The following C17orf107 variants were observed in gnomAD, a reference collection of about 807,000 sequenced individuals.
The protein encoded by C17orf107 is uncharacterized protein C17orf107.
C17orf107 carries 9 observed loss-of-function variants against 8.9 expected under a neutral mutation model. The observed-to-expected ratio is 1.02, with a 90% CI of 0.61 to 1.77. The LOEUF is 1.77. C17orf107 is among the 40% of genes most tolerant of loss of function. The pLI is 0.00. For synonymous variants in C17orf107, 139 were observed against 120.3 expected (o/e 1.16, Z -1.02); for missense variants, 281 against 249.0 (o/e 1.13, Z -0.86).
chr17:4,901,463 T>C lies in C17orf107; in HGVS notation c.*930T>C. The C allele has an allele frequency of 2.7e-6, 4 of 1,500,410 alleles. No individual in the cohort carries two copies. Among genetic ancestry groups the C allele is most frequent in the Non-Finnish European group, 3.7e-6 (4 of 1,076,692 alleles). 92.9% of individuals were successfully genotyped at this position (1,500,410 alleles called of 1,614,324 possible). A position where few individuals can be genotyped will look rare whatever the true frequency, so the allele number is the denominator to read the frequency against. ...TCGTTGGTCCGGGGCAAGCCCACCGTGGAAGTCCCCTCTCTGGACCCCGTC... is the reference window on the plus strand; with the variant it reads ...TCGTTGGTCCGGGGCAAGCCCACCGCGGAAGTCCCCTCTCTGGACCCCGTC... On this transcript the variant is annotated 3_prime_UTR_variant, in exon 3 of 3. Transcript: ENST00000381365.
chr17:4,906,291 C>A (rs1388242801), downstream of C17orf107, among the ~76,000 whole-genome samples: 3 of 152,144 alleles, frequency 2.0e-5, no homozygotes, highest in East Asian at 3.9e-4. Flanking sequence ...TCTGGTAATT[C>A]ACCCTCTAGC....
At chr17:4,906,517 G>A (rs563593766), downstream of C17orf107, among the ~76,000 whole-genome samples, 2 of 152,086 alleles carry the variant, frequency 1.3e-5, no homozygotes, top group Non-Finnish European at 1.5e-5. Flanking sequence ...TGATCAAAAA[G>A]AGGGCAGAAG....
chr17:4,902,834 C>A lies in C17orf107; in HGVS notation c.*2301C>A. ...GGAGCACCTCTCTCCCCTCTGCCTC[C>A]CCTGGGTCCTCACAGGCCTCTGAGG... On this transcript the variant is annotated 3_prime_UTR_variant, in exon 3 of 3. Transcript: ENST00000381365. The surrounding 1 kb of genome is among the most constrained non-coding windows in gnomAD (Gnocchi z 4.0). 6.2e-7 allele frequency: 1 copy of A among 1,609,290 alleles called. No homozygotes were observed. Among genetic ancestry groups the A allele is most frequent in the African/African-American group, 1.3e-5 (1 of 74,908 alleles).
downstream of C17orf107, among the ~76,000 whole-genome samples, chr17:4,905,150 T>C (rs773142600): frequency 1.3e-5 from 2 of 152,220 alleles, no homozygotes; most frequent in Non-Finnish European, 2.9e-5. Flanking sequence ...AGTTATCATC[T>C]AATGACAGAG....
Position 4,900,449 on chromosome 17 carries a change from T to G in C17orf107, c.489T>G (p.Ser163=). Residue 163 remains serine, a synonymous_variant, in exon 3 of 3, where the codon TCT becomes TCG. Transcript: ENST00000381365. ...TGTGTGGACGGGGTCTGCAGGGGTC[T>G]GCCTCATTCCTGCGACAGTCGCAAC... is the stretch of plus-strand genomic sequence containing the variant. ...LCLCGRGLQG[S]ASFLRQSQQQ... 1 of 1,551,102 alleles carries G rather than the reference T, an allele frequency of 6.4e-7. No individual in the cohort carries two copies. The highest frequency in any genetic ancestry group is 8.7e-7 in the Non-Finnish European group (1 of 1,146,986).
In C17orf107 at chr17:4,901,305, G is replaced by A. The variant is rs1342022277; in HGVS notation, c.*772G>A. The stretch of plus-strand genomic sequence containing the variant: ...ACCAGGGTCATGGGCCGTCAGGATG[G>A]GGGCAATTACGGACAGAAAAGGGCA... On this transcript the variant is annotated 3_prime_UTR_variant, in exon 3 of 3. Transcript: ENST00000381365. The A allele has an allele frequency of 4.1e-6, 5 of 1,214,366 alleles. No homozygotes were observed. The Admixed American group carries it at 7.6e-5, about 18-fold the overall frequency. The allele number at this position is 1,214,366 out of a possible 1,614,324, so 75.2% of individuals were successfully genotyped here. A position where few individuals can be genotyped will look rare whatever the true frequency, so the allele number is the denominator to read the frequency against.
In C17orf107 at chr17:4,900,328, G is replaced by A; in HGVS notation, c.368G>A (p.Ser123Asn). 1 of 1,545,770 alleles carries A rather than the reference G, an allele frequency of 6.5e-7. No individual in the cohort carries two copies. The highest frequency in any genetic ancestry group is 1.4e-5 in the African/African-American group (1 of 73,166). ...PDGRDPGAAL[S>N]RVAQAAGQGV... ...GGCAGGGATCCGGGTGCAGCGCTGAGCCGGGTAGCCCAAGCCGCAGGGCAG... is the reference window on the plus strand; with the variant it reads ...GGCAGGGATCCGGGTGCAGCGCTGAACCGGGTAGCCCAAGCCGCAGGGCAG... Residue 123 changes from serine (S) to asparagine (N), a missense_variant, in exon 3 of 3, where the codon AGC becomes AAC. Coordinates refer to ENST00000381365, the MANE Select transcript of C17orf107 (RefSeq NM_001145536.2).
rs929229289 is a variant in C17orf107, at chr17:4,900,689, C to T, written c.*156C>T. On this transcript the variant is annotated 3_prime_UTR_variant, in exon 3 of 3. Transcript: ENST00000381365. Reference sequence around the variant, plus strand: ...GCCCCACCCAGCGTCCGAATAAAGCCCAGGGCGGGGCGAGACAGCCAGAGC... The same window carrying T: ...GCCCCACCCAGCGTCCGAATAAAGCTCAGGGCGGGGCGAGACAGCCAGAGC... 2 of 1,464,514 alleles carry T rather than the reference C, an allele frequency of 1.4e-6. No individual in the cohort carries two copies. The highest frequency in any genetic ancestry group is 1.4e-5 in the African/African-American group (1 of 71,138). The allele number at this position is 1,464,514 out of a possible 1,614,324, so 90.7% of individuals were successfully genotyped here.
Position 4,901,556 on chromosome 17 carries a change from G to A in C17orf107, c.*1023G>A, listed in dbSNP as rs1969985137. On this transcript the variant is annotated 3_prime_UTR_variant, in exon 3 of 3. Transcript: ENST00000381365. ...AGGCCTCTGTGTCGATGTCGATCTT[G>A]TTGATGGTCTTGCCGTCGTTGTCTA... The A allele has an allele frequency of 1.9e-6, 3 of 1,614,204 alleles. No individual in the cohort carries two copies. The highest frequency in any genetic ancestry group is 2.5e-6 in the Non-Finnish European group (3 of 1,180,036).
chr17:4,899,654 CA>C lies in C17orf107; in HGVS notation c.-106del. On this transcript the variant is annotated 5_prime_UTR_variant, in exon 1 of 3. Transcript: ENST00000381365. ...CCGAAGGCGCCGCGCGCTGACCTCA[CA>C]AACACGGCTTCTCCTGGTACGGGCT... is the stretch of plus-strand genomic sequence containing the variant. The C allele has an allele frequency of 6.9e-7, 1 of 1,454,192 alleles. No individual in the cohort carries two copies. Among genetic ancestry groups the C allele is most frequent in the Non-Finnish European group, 9.4e-7 (1 of 1,058,744 alleles). 90.1% of individuals were successfully genotyped at this position (1,454,192 alleles called of 1,614,324 possible).
chr17:4,904,189 G>GT (rs1331387349), downstream of C17orf107, among the ~76,000 whole-genome samples: 1 of 151,160 alleles, frequency 6.6e-6, no homozygotes, highest in African/African-American at 2.4e-5. Flanking sequence ...TTCTTTTTTT[G>GT]TTTTTTGTTT....
In C17orf107 at chr17:4,900,986, T is replaced by A. The variant is rs2151097187; in HGVS notation, c.*453T>A. ...TTGGGGGTAGGTTCGGGGCCACTGCTTACCCTGCGCCGGCAGGAAGTAGGC... is the reference window on the plus strand; with the variant it reads ...TTGGGGGTAGGTTCGGGGCCACTGCATACCCTGCGCCGGCAGGAAGTAGGC... On this transcript the variant is annotated 3_prime_UTR_variant, in exon 3 of 3. Coordinates refer to ENST00000381365, the MANE Select transcript of C17orf107 (RefSeq NM_001145536.2). 1 of 1,613,914 alleles carries A rather than the reference T, an allele frequency of 6.2e-7. No individual in the cohort carries two copies. The highest frequency in any genetic ancestry group is 2.2e-5 in the East Asian group (1 of 44,870).
chr17:4,904,146 C>T (rs1362783060), downstream of C17orf107, among the ~76,000 whole-genome samples: 2 of 152,094 alleles, frequency 1.3e-5, no homozygotes, highest in African/African-American at 2.4e-5. Flanking sequence ...CGTGAGCCAC[C>T]GCGCCCAGCC....
downstream of C17orf107, among the ~76,000 whole-genome samples, chr17:4,903,487 C>T (rs1013123808): frequency 2.0e-5 from 3 of 152,198 alleles, no homozygotes; most frequent in African/African-American, 7.2e-5. Context: ...CTCCCATTCT[C>T]ACCCATGTGG....
In C17orf107 at chr17:4,901,882, A is replaced by AG; in HGVS notation, c.*1351dup. On this transcript the variant is annotated 3_prime_UTR_variant, in exon 3 of 3. Coordinates refer to ENST00000381365, the MANE Select transcript of C17orf107 (RefSeq NM_001145536.2). ...GCTTCCCGGTTGGCCCCGCCCCATA[A>AG]GGCCCCCCCCCAACAATAATCGTCC... 9.2e-5 allele frequency: 136 copies of AG among 1,483,804 alleles called. No individual in the cohort carries two copies. Among genetic ancestry groups the AG allele is most frequent in the Middle Eastern group, 2.2e-4 (1 of 4,524 alleles). The allele number at this position is 1,483,804 out of a possible 1,614,324, so 91.9% of individuals were successfully genotyped here. A position where few individuals can be genotyped will look rare whatever the true frequency, so the allele number is the denominator to read the frequency against.
chr17:4,905,843 AG>A (rs1202163080), downstream of C17orf107, among the ~76,000 whole-genome samples: 5 of 152,328 alleles, frequency 3.3e-5, no homozygotes, highest in African/African-American at 1.2e-4. Flanking sequence ...CCCGGGTGAC[AG>A]AGTGAGACTC....
At position 4,902,042 on chromosome 17, in the gene C17orf107, G is replaced by A. The variant is rs749659243; in HGVS notation, c.*1509G>A. The A allele has an allele frequency of 3.1e-6, 5 of 1,614,142 alleles. No homozygotes were observed. The highest frequency in any genetic ancestry group is 4.2e-6 in the Non-Finnish European group (5 of 1,180,054). ...GCCACGTCACGGAGCCGCCCTCGTA[G>A]ACGAGCACGTTGGCGTCGTAGGCCA... On this transcript the variant is annotated 3_prime_UTR_variant, in exon 3 of 3. Coordinates refer to ENST00000381365, the MANE Select transcript of C17orf107 (RefSeq NM_001145536.2). The surrounding 1 kb of genome is among the most constrained non-coding windows in gnomAD (Gnocchi z 4.0).
At chr17:4,906,702 A>C (rs1382846625), downstream of C17orf107, among the ~76,000 whole-genome samples, 1 of 152,140 alleles carries the variant, frequency 6.6e-6, no homozygotes, top group Non-Finnish European at 1.5e-5. Context: ...AAATAAATAA[A>C]ATTTTAAAAA....
At chr17:4,904,212 G>T (rs140258635), downstream of C17orf107, among the ~76,000 whole-genome samples, 1 of 147,756 alleles carries the variant, frequency 6.8e-6, no homozygotes, top group Non-Finnish European at 1.5e-5. Flanking sequence ...TGCAGGGGGT[G>T]GGGGGACAGG....
Sources: gnomAD v4.1 joint callset for allele counts (sites outside exome capture counted in the v4.1 genomes callset) on GRCh38, gnomAD v4.1.1 for gene constraint, Gnocchi (gnomAD v3.1) non-coding constraint, MANE v1.5 for transcripts, NCBI Gene and HGNC (gene_info 2026-07-23, HGNC 2026-07-21) for gene names.